Variants in DSG2 observed in about 807,000 individuals in gnomAD.
The protein encoded by DSG2 is desmoglein 2.
DSG2 carries 45 observed loss-of-function variants against 75.6 expected under a neutral mutation model. That is an observed-to-expected ratio of 0.60 (90% CI 0.47 to 0.76). The LOEUF (loss-of-function observed/expected upper bound fraction) is 0.76, where lower values mean the gene tolerates loss of function less well. DSG2 is among the 30% of genes least tolerant of loss of function. The pLI, the probability that DSG2 is intolerant of heterozygous loss-of-function variation, is 0.00. For synonymous variants in DSG2, 429 were observed against 483.9 expected (o/e 0.89, Z 1.49); for missense variants, 1,267 against 1,357.4 (o/e 0.93, Z 1.05).
In DSG2 at chr18:31,498,284, GCTGCTTCTC is replaced by G; in HGVS notation, c.37_45del (p.Leu13_Leu15del). The stretch of plus-strand genomic sequence containing the variant: ...GGAGCCCGGGACGCGCGTACGCCCT[GCTGCTTCTC>G]CTGGTAAGTGCCGCAAGCGGGACAG... On this transcript the variant is annotated inframe_deletion, in exon 1 of 15. Transcript: ENST00000261590. The G allele has an allele frequency of 7.9e-7, 1 of 1,265,768 alleles. No homozygotes were observed. The highest frequency in any genetic ancestry group is 1.0e-6 in the Non-Finnish European group (1 of 1,000,814). 78.4% of individuals were successfully genotyped at this position (1,265,768 alleles called of 1,614,324 possible). A position where few individuals can be genotyped will look rare whatever the true frequency, so the allele number is the denominator to read the frequency against.
At chr18:31,521,285 G>C in intron 5 of DSG2, 42 bp downstream of exon 5, 1 of 1,529,362 alleles carries the variant, frequency 6.5e-7, no homozygotes, top group South Asian at 1.2e-5. Context: ...AAATACCTAA[G>C]ATTACTTTAT....
chr18:31,527,609 T>C (rs1460509110), intron 8 of DSG2, among the ~76,000 whole-genome samples: 12 of 152,282 alleles, frequency 7.9e-5, no homozygotes, highest in Admixed American at 7.2e-4. Flanking sequence ...AAAAAAGATA[T>C]ACAAGTAGCA....
At chr18:31,542,116 C>T in intron 13 of DSG2, 1 of 273,004 alleles carries the variant, frequency 3.7e-6, no homozygotes, top group South Asian at 4.4e-5. Context: ...ACAGTTTAGT[C>T]AGGTGGCTAT....
intron 3 of DSG2, among the ~76,000 whole-genome samples, chr18:31,520,340 C>G (rs1468668966): frequency 6.6e-6 from 1 of 152,162 alleles, no homozygotes; most frequent in Non-Finnish European, 1.5e-5. Flanking sequence ...TATGCCTGCT[C>G]TCCTGGCTTA....
At chr18:31,542,931 A>T in intron 14 of DSG2, 79 bp downstream of exon 14, 1 of 1,029,174 alleles carries the variant, frequency 9.7e-7, no homozygotes, top group Non-Finnish European at 1.3e-6. Context: ...TAGGGTAATC[A>T]TTGCCTTGGA....
chr18:31,544,899 GA>G, intron 14 of DSG2, among the ~76,000 whole-genome samples: 1 of 152,288 alleles, frequency 6.6e-6, no homozygotes, highest in Non-Finnish European at 1.5e-5. Flanking sequence ...TTCCATTGAG[GA>G]AAGCAAGTTA....
At chr18:31,519,332 G>C (rs1000611519) in intron 2 of DSG2, among the ~76,000 whole-genome samples, 2 of 152,068 alleles carry the variant, frequency 1.3e-5, no homozygotes, top group Non-Finnish European at 2.9e-5. Flanking sequence ...TGAGGCGGGC[G>C]GATTGCTTGA....
chr18:31,519,181 T>C (rs189689969), intron 2 of DSG2, among the ~76,000 whole-genome samples: 26 of 152,334 alleles, frequency 1.7e-4, no homozygotes, highest in African/African-American at 5.3e-4. Context: ...TATTTTTTAC[T>C]TTGCCAATTT....
intron 12 of DSG2, among the ~76,000 whole-genome samples, chr18:31,540,840 A>ATT (rs3214786): frequency 6.6e-6 from 1 of 151,654 alleles, no homozygotes; most frequent in Non-Finnish European, 1.5e-5. Flanking sequence ...TGCAACAGTG[A>ATT]TTTTTTTTTA....
chr18:31,508,553 C>T (rs2073050944), intron 1 of DSG2, among the ~76,000 whole-genome samples: 1 of 151,942 alleles, frequency 6.6e-6, no homozygotes, highest in East Asian at 1.9e-4. Context: ...ACCACCACAC[C>T]TGGCTAATTT....
chr18:31,544,639 A>G (rs905717027), intron 14 of DSG2, among the ~76,000 whole-genome samples: 1 of 152,210 alleles, frequency 6.6e-6, no homozygotes, highest in Non-Finnish European at 1.5e-5. Context: ...CTTATTATTT[A>G]AAGAGGTCAA....
intron 1 of DSG2, among the ~76,000 whole-genome samples, chr18:31,499,089 G>T (rs2073000383): frequency 6.6e-6 from 1 of 151,260 alleles, no homozygotes; most frequent in South Asian, 2.1e-4. Flanking sequence ...TTGGTTTTCT[G>T]TTTGTTTAAG....
chr18:31,531,514 G>A (rs963747296), intron 9 of DSG2, among the ~76,000 whole-genome samples: 12 of 152,174 alleles, frequency 7.9e-5, no homozygotes, highest in Non-Finnish European at 1.6e-4. Flanking sequence ...GCTAGAGATG[G>A]CTAAAAAGCA....
chr18:31,534,054 G>A (rs940434989), intron 9 of DSG2, among the ~76,000 whole-genome samples: 2 of 144,182 alleles, frequency 1.4e-5, no homozygotes, highest in Admixed American at 7.2e-5. Flanking sequence ...GCAGTGGCAC[G>A]ATCTCGGCTT....
Position 31,547,116 on chromosome 18 carries a change from C to T in DSG2, c.*373C>T. Reference sequence around the variant, plus strand: ...AAGCAACCCAGGAAACTGACTGGGTCTCTTTGCCTACCGTATTAACATTAA... The same window carrying T: ...AAGCAACCCAGGAAACTGACTGGGTTTCTTTGCCTACCGTATTAACATTAA... On this transcript the variant is annotated 3_prime_UTR_variant, in exon 15 of 15. Transcript: ENST00000261590. 8.2e-6 allele frequency: 3 copies of T among 366,424 alleles called. No individual in the cohort carries two copies. Among genetic ancestry groups the T allele is most frequent in the Non-Finnish European group, 1.6e-5 (3 of 191,024 alleles). The allele number at this position is 366,424 out of a possible 1,614,324, so 22.7% of individuals were successfully genotyped here. A position where few individuals can be genotyped will look rare whatever the true frequency, so the allele number is the denominator to read the frequency against.
intron 14 of DSG2, chr18:31,543,070 T>G: frequency 2.1e-6 from 1 of 465,970 alleles, no homozygotes; most frequent in East Asian, 3.3e-5. Flanking sequence ...AACCATGATC[T>G]TAGTTCTCAC....
intron 9 of DSG2, 84 bp from the exon 10 acceptor site, chr18:31,535,186 A>G: frequency 1.0e-6 from 1 of 974,396 alleles, no homozygotes; most frequent in Non-Finnish European, 1.6e-6. Flanking sequence ...AAGAGAAGAA[A>G]AGTAAGCTTG....
intron 1 of DSG2, among the ~76,000 whole-genome samples, chr18:31,508,353 ATTTATTTTAT>A (rs199925165): frequency 0.19 from 27,965 of 145,814 alleles, 2,967 homozygotes; most frequent in African/African-American, 0.27. Context: ...GAACTGCCTG[ATTTATTTTAT>A]TTTATTTTAT....
rs376858770 is a variant in DSG2 at position 31,545,857 on chromosome 18, G to A, written c.2471G>A (p.Arg824His). 4.6e-5 allele frequency: 75 copies of A among 1,613,980 alleles called. No homozygotes were observed. The highest frequency in any genetic ancestry group is 1.3e-4 in the South Asian group (12 of 91,080). ...TTTATTGAAGGAGAGCTAGATGACC[G>A]CTTCTTAGATGATTTGGGACTTAAA... ...CSFIEGELDD[R>H]FLDDLGLKFK... Residue 824 changes from arginine (R) to histidine (H), a missense_variant, in exon 15 of 15, where the codon CGC becomes CAC. By Grantham distance (29) the Arg-to-His change is conservative (BLOSUM62 0). Coordinates refer to ENST00000261590, the MANE Select transcript of DSG2 (RefSeq NM_001943.5).
Sources: allele counts gnomAD v4.1 joint callset (sites outside exome capture counted in the v4.1 genomes callset), GRCh38; gene constraint gnomAD v4.1.1; transcripts MANE v1.5; gene names NCBI Gene and HGNC (gene_info 2026-07-23, HGNC 2026-07-21).